Variants in PRDM5 observed in about 807,000 individuals in gnomAD.
PRDM5 encodes the protein PR/SET domain 5.
In PRDM5, 56 loss-of-function variants were observed where a neutral mutation model predicts 81.2. The observed-to-expected ratio is 0.69, with a 90% confidence interval of 0.56 to 0.86. The LOEUF is 0.86. Ranked by LOEUF, PRDM5 falls within the 40% of genes least tolerant of loss-of-function variation. The pLI is 0.00. For missense variants in PRDM5, 697 were observed against 770.1 expected, an observed-to-expected ratio of 0.91 and a Z score of 1.12; for synonymous variants, 267 against 256.4, an observed-to-expected ratio of 1.04 and a Z score of -0.39.
intron 14 of PRDM5, among the ~76,000 whole-genome samples, chr4:120,722,276 G>A (rs528372918): frequency 3.3e-5 from 5 of 152,202 alleles, no homozygotes; most frequent in South Asian, 2.1e-4. Flanking sequence ...GACATTTAGC[G>A]TAGTCATGAC....
intron 14 of PRDM5, among the ~76,000 whole-genome samples, chr4:120,740,815 C>G (rs1741814464): frequency 6.6e-6 from 1 of 152,176 alleles, no homozygotes; most frequent in Non-Finnish European, 1.5e-5. Flanking sequence ...TGTCACTCCT[C>G]TACTCAAAAC....
intron 2 of PRDM5, among the ~76,000 whole-genome samples, chr4:120,879,733 A>G (rs987408223): frequency 2.0e-5 from 3 of 152,108 alleles, no homozygotes; most frequent in Admixed American, 6.6e-5. Context: ...CAAAAGTTAT[A>G]CATCAATTTT....
chr4:120,742,931 C>A (rs2149113993), intron 14 of PRDM5, among the ~76,000 whole-genome samples: 1 of 152,096 alleles, frequency 6.6e-6, no homozygotes, highest in Middle Eastern at 3.4e-3. Context: ...ACAGAGAATG[C>A]CACAAAGATA....
intron 8 of PRDM5, among the ~76,000 whole-genome samples, chr4:120,803,507 C>G (rs1464320597): frequency 1.3e-5 from 2 of 152,182 alleles, no homozygotes; most frequent in Non-Finnish European, 1.5e-5. Flanking sequence ...CAGTGGATCT[C>G]TTGGCAGAAA....
chr4:120,705,924 A>G (rs1402197673), intron 15 of PRDM5, among the ~76,000 whole-genome samples: 4 of 152,162 alleles, frequency 2.6e-5, no homozygotes, highest in African/African-American at 4.8e-5. Flanking sequence ...CTACTGGATT[A>G]GATGTAGGGT....
intron 14 of PRDM5, among the ~76,000 whole-genome samples, chr4:120,724,067 C>G (rs2149066101): frequency 1.3e-5 from 2 of 151,212 alleles, no homozygotes; most frequent in South Asian, 4.2e-4. Context: ...AATACTTCCT[C>G]TAAAAAGGTC....
intron 3 of PRDM5, chr4:120,838,314 A>G (rs1757595023): frequency 6.6e-6 from 1 of 152,182 alleles, no homozygotes; most frequent in African/African-American, 2.4e-5. Context: ...ATCTTGACAC[A>G]TAATTGTACA....
intron 3 of PRDM5, among the ~76,000 whole-genome samples, chr4:120,845,356 T>C (rs970937030): frequency 1.3e-5 from 2 of 152,186 alleles, no homozygotes. Flanking sequence ...CTGACTATCT[T>C]GTTAGAGTCT....
At chr4:120,704,655 C>A (rs1272763930) in intron 15 of PRDM5, among the ~76,000 whole-genome samples, 1 of 152,160 alleles carries the variant, frequency 6.6e-6, no homozygotes, top group Non-Finnish European at 1.5e-5. Flanking sequence ...CTTGTGGAGT[C>A]CACGTTCTAA....
At position 120,852,751 on chromosome 4, in the gene PRDM5, A is replaced by T. The variant is rs574454487; in HGVS notation, c.300+667T>A. On this transcript the variant is annotated intron_variant, in intron 3 of 15. Coordinates refer to ENST00000264808, the MANE Select transcript of PRDM5 (RefSeq NM_018699.4). ...CATATATACACACAACCATATATAT[A>T]TTTTTATATATTTTTTATATTAAAA... 6.7e-5 allele frequency among the ~76,000 whole-genome samples: 10 copies of T among 149,200 alleles called. No homozygotes were observed. The East Asian group carries it at 1.2e-3, about 17-fold the overall frequency.
intron 3 of PRDM5, among the ~76,000 whole-genome samples, chr4:120,834,433 A>T (rs1757108289): frequency 6.6e-6 from 1 of 152,144 alleles, no homozygotes. Context: ...CCTATGAAAC[A>T]GGAAGCAGGC....
intron 11 of PRDM5, 37 bp from the exon 12 acceptor site, chr4:120,781,340 A>G: frequency 6.3e-7 from 1 of 1,590,394 alleles, no homozygotes; most frequent in Non-Finnish European, 8.6e-7. Context: ...AAGCAATAGC[A>G]GGGTCCTATT....
intron 13 of PRDM5, among the ~76,000 whole-genome samples, chr4:120,770,791 TATA>T (rs1268611939): frequency 3.9e-5 from 6 of 152,200 alleles, no homozygotes; most frequent in Non-Finnish European, 5.9e-5. Flanking sequence ...GCACAAATCT[TATA>T]ATAACAGTTA....
intron 2 of PRDM5, among the ~76,000 whole-genome samples, chr4:120,901,575 C>T (rs1006328414): frequency 6.6e-6 from 1 of 152,162 alleles, no homozygotes; most frequent in African/African-American, 2.4e-5. Flanking sequence ...CCTTACGAGG[C>T]CACAGACTTT....
intron 2 of PRDM5, chr4:120,896,473 G>A (rs1049955627): frequency 4.6e-5 from 7 of 151,904 alleles, no homozygotes; most frequent in African/African-American, 1.7e-4. Context: ...TTTCAAGCAG[G>A]GAAGTCACTT....
intron 2 of PRDM5, among the ~76,000 whole-genome samples, chr4:120,875,811 T>C (rs921266062): frequency 5.3e-5 from 8 of 152,186 alleles, no homozygotes; most frequent in Admixed American, 4.6e-4. Flanking sequence ...AAAAATTCTT[T>C]TTCACAGAAA....
chr4:120,860,443 C>T (rs1167712973), intron 2 of PRDM5, among the ~76,000 whole-genome samples: 1 of 151,502 alleles, frequency 6.6e-6, no homozygotes, highest in African/African-American at 2.4e-5. Flanking sequence ...TAGTGAAAAC[C>T]ACATCATCTT....
intron 13 of PRDM5, among the ~76,000 whole-genome samples, chr4:120,759,389 G>A (rs1345508871): frequency 1.3e-5 from 2 of 152,114 alleles, no homozygotes; most frequent in African/African-American, 4.8e-5. Context: ...AGGATGTTTA[G>A]GGCAATCCTG....
intron 3 of PRDM5, among the ~76,000 whole-genome samples, chr4:120,833,166 A>C (rs1351532529): frequency 6.6e-6 from 1 of 152,190 alleles, no homozygotes; most frequent in Non-Finnish European, 1.5e-5. Flanking sequence ...CCTGATCCAA[A>C]AATATTCAAT....
Sources: allele counts gnomAD v4.1 joint callset (sites outside exome capture counted in the v4.1 genomes callset), GRCh38; gene constraint gnomAD v4.1.1; transcripts MANE v1.5; gene names NCBI Gene and HGNC (gene_info 2026-07-23, HGNC 2026-07-21).